PIAS1: variants seen among roughly 807,000 people sequenced by gnomAD.
PIAS1 encodes protein inhibitor of activated STAT 1.
In PIAS1, 6 loss-of-function variants were observed where a neutral mutation model predicts 71.3. The ratio of observed to expected loss-of-function variants is 0.08; its 90% CI spans 0.05 to 0.17. PIAS1 has a LOEUF of 0.17. Among genes scored for constraint, PIAS1 ranks in the 10% least tolerant of loss-of-function variants. The pLI is 1.00. For synonymous variants in PIAS1, 303 were observed against 292.9 expected (o/e 1.03, Z -0.35); for missense variants, 555 against 793.6 (o/e 0.70, Z 3.61).
At chr15:68,130,667 T>TA (rs11349222) in intron 2 of PIAS1, among the ~76,000 whole-genome samples, 44,158 of 126,838 alleles carry the variant, frequency 0.35, 7,523 homozygotes, top group African/African-American at 0.41. Flanking sequence ...AGGTAACACT[T>TA]AAAAAAAAAA....
rs11330725 is a variant in PIAS1, at chr15:68,144,119, G to GA, written c.603-1680dup. 7.0e-3 allele frequency among the ~76,000 whole-genome samples: 871 copies of GA among 124,604 alleles called. 5 individuals are homozygous for GA. The highest frequency in any genetic ancestry group is 0.014 in the Middle Eastern group (3 of 220). 81.7% of individuals were successfully genotyped at this position (124,604 alleles called of 152,430 possible). On this transcript the variant is annotated intron_variant, in intron 4 of 13. Transcript: ENST00000249636. Reference sequence around the variant, plus strand: ...AATTGAAATGTATCTCCAGGACTTGGAAAAAAAAAAAAAAAAAGAACCATG... The same window carrying GA: ...AATTGAAATGTATCTCCAGGACTTGGAAAAAAAAAAAAAAAAAAGAACCATG...
At chr15:68,165,814 G>A (rs1007570130) in intron 8 of PIAS1, among the ~76,000 whole-genome samples, 1 of 152,028 alleles carries the variant, frequency 6.6e-6, no homozygotes, top group Non-Finnish European at 1.5e-5. Context: ...GTTACTTTTT[G>A]TTCTATAATT....
chr15:68,059,248 T>G (rs898251551), intron 1 of PIAS1, among the ~76,000 whole-genome samples: 7 of 152,078 alleles, frequency 4.6e-5, no homozygotes, highest in Middle Eastern at 3.4e-3. Flanking sequence ...ACCTTGTGAT[T>G]TGCCCGTCTC....
chr15:68,129,405 A>G (rs1264754154), intron 2 of PIAS1, among the ~76,000 whole-genome samples: 1 of 152,160 alleles, frequency 6.6e-6, no homozygotes, highest in Non-Finnish European at 1.5e-5. Context: ...TTATAAAGCT[A>G]TATATATACT....
At chr15:68,151,962 G>GTTTTTTTT (rs1272581079) in intron 6 of PIAS1, among the ~76,000 whole-genome samples, 6 of 85,074 alleles carry the variant, frequency 7.1e-5, no homozygotes, top group East Asian at 4.1e-4. Flanking sequence ...TTTTTTTTTG[G>GTTTTTTTT]GGGGGGAGAC....
chr15:68,099,379 C>T (rs987827629), intron 2 of PIAS1, among the ~76,000 whole-genome samples: 13 of 150,506 alleles, frequency 8.6e-5, no homozygotes, highest in African/African-American at 3.2e-4. Context: ...TAAGTTGTGA[C>T]TACTTTTTCC....
rs1178445640 is a variant in PIAS1, at chr15:68,179,561, GTTCTTTTTTTTTT to G, written c.1482-1648_1482-1636del. ...ATCCAACCTTGTCATCTCGTGAAATGTTCTTTTTTTTTTTTTTTTTTTTTTTTTTTTGAGACAG... is the reference window on the plus strand; with the variant it reads ...ATCCAACCTTGTCATCTCGTGAAATGTTTTTTTTTTTTTTTTTTGAGACAG... On this transcript the variant is annotated intron_variant, in intron 11 of 13. Transcript: ENST00000249636. Among the ~76,000 whole-genome samples, 10 of 30,194 alleles carry G rather than the reference GTTCTTTTTTTTTT, an allele frequency of 3.3e-4. 1 individual carries two copies. Among genetic ancestry groups the G allele is most frequent in the African/African-American group, 6.9e-4 (10 of 14,588 alleles). 19.8% of individuals were successfully genotyped at this position (30,194 alleles called of 152,430 possible). A position where few individuals can be genotyped will look rare whatever the true frequency, so the allele number is the denominator to read the frequency against.
chr15:68,138,692 C>G (rs2141043100), intron 2 of PIAS1, among the ~76,000 whole-genome samples: 1 of 152,304 alleles, frequency 6.6e-6, no homozygotes, highest in East Asian at 1.9e-4. Context: ...CCTGGCTGGT[C>G]TTGAACTCCT....
intron 2 of PIAS1, among the ~76,000 whole-genome samples, chr15:68,087,655 G>A (rs1315023807): frequency 6.6e-6 from 1 of 152,154 alleles, no homozygotes; most frequent in Admixed American, 6.5e-5. Flanking sequence ...ATGTGTGCCT[G>A]TAAAGCACAA....
rs2140945695 is a variant in PIAS1 at position 68,054,472 on chromosome 15, G to A, written c.24+122G>A. On this transcript the variant is annotated intron_variant, in intron 1 of 13. Transcript: ENST00000249636. The surrounding 1 kb of genome is among the most constrained non-coding windows in gnomAD (Gnocchi z 4.6). ...CCTGACTCCACCCGGGCCTGGAGTTGTAGGGAGAGAGGCGCGCCCGGTCTC... is the reference window on the plus strand; with the variant it reads ...CCTGACTCCACCCGGGCCTGGAGTTATAGGGAGAGAGGCGCGCCCGGTCTC... The A allele has an allele frequency of 9.1e-7, 1 of 1,094,208 alleles. No homozygotes were observed. Among genetic ancestry groups the A allele is most frequent in the Admixed American group, 2.3e-5 (1 of 43,990 alleles). The allele number at this position is 1,094,208 out of a possible 1,614,324, so 67.8% of individuals were successfully genotyped here.
chr15:68,078,623 A>G (rs1411985003), intron 1 of PIAS1, among the ~76,000 whole-genome samples: 1 of 152,192 alleles, frequency 6.6e-6, no homozygotes, highest in Non-Finnish European at 1.5e-5. Flanking sequence ...ACATTGTATT[A>G]GTTATGAACT....
At chr15:68,055,752 A>G (rs1412791863) in intron 1 of PIAS1, 4 of 531,164 alleles carry the variant, frequency 7.5e-6, no homozygotes, top group Non-Finnish European at 1.3e-5. Context: ...ATAATAAATA[A>G]AAATTATTTA....
At chr15:68,079,020 T>C (rs1266625758) in intron 1 of PIAS1, among the ~76,000 whole-genome samples, 1 of 148,722 alleles carries the variant, frequency 6.7e-6, no homozygotes, top group East Asian at 2.0e-4. Context: ...TTAAGGAATC[T>C]TTGAGAACCT....
intron 2 of PIAS1, among the ~76,000 whole-genome samples, chr15:68,090,847 T>C (rs2092326208): frequency 1.3e-5 from 2 of 152,164 alleles, no homozygotes; most frequent in African/African-American, 4.8e-5. Context: ...GTAGAATCCA[T>C]AGAAATTATA....
chr15:68,109,641 A>G (rs1385508414), intron 2 of PIAS1, among the ~76,000 whole-genome samples: 2 of 152,206 alleles, frequency 1.3e-5, no homozygotes, highest in Non-Finnish European at 2.9e-5. Flanking sequence ...TCTTTGTCCT[A>G]GCATTCCCAG....
At chr15:68,165,770 GA>G (rs1437627829) in intron 8 of PIAS1, among the ~76,000 whole-genome samples, 1 of 152,118 alleles carries the variant, frequency 6.6e-6, no homozygotes, top group Non-Finnish European at 1.5e-5. Context: ...GAAAATATGT[GA>G]AAAATTTAAT....
intron 1 of PIAS1, among the ~76,000 whole-genome samples, chr15:68,072,045 T>C (rs1184887155): frequency 1.5e-4 from 23 of 151,640 alleles, no homozygotes; most frequent in Non-Finnish European, 4.4e-5. Context: ...CATTGAGGTA[T>C]GTTTGCGGAA....
At chr15:68,091,360 A>G (rs550863149) in intron 2 of PIAS1, among the ~76,000 whole-genome samples, 151 of 152,202 alleles carry the variant, frequency 9.9e-4, no homozygotes, top group South Asian at 7.0e-3. Context: ...CATAATGGCA[A>G]AAACACAGAA....
At chr15:68,057,207 G>A (rs2091905710) in intron 1 of PIAS1, among the ~76,000 whole-genome samples, 1 of 152,170 alleles carries the variant, frequency 6.6e-6, no homozygotes, top group Non-Finnish European at 1.5e-5. Flanking sequence ...TAGATTGTGA[G>A]TCATACATAT....
Sources: gnomAD v4.1 joint callset for allele counts (sites outside exome capture counted in the v4.1 genomes callset) on GRCh38, gnomAD v4.1.1 for gene constraint, Gnocchi (gnomAD v3.1) non-coding constraint, MANE v1.5 for transcripts, NCBI Gene and HGNC (gene_info 2026-07-23, HGNC 2026-07-21) for gene names.